The following PPARGC1A variants were observed in gnomAD, a reference collection of about 807,000 sequenced individuals.
The protein encoded by PPARGC1A is PPARG coactivator 1 alpha, also known as peroxisome proliferator-activated receptor gamma coactivator 1-alpha.
In PPARGC1A, 25 loss-of-function variants were observed where a neutral mutation model predicts 88.7. The ratio of observed to expected loss-of-function variants is 0.28; its 90% confidence interval spans 0.21 to 0.39. PPARGC1A has a LOEUF of 0.39. Among genes scored for constraint, PPARGC1A ranks in the 10% least tolerant of loss-of-function variants. The pLI is 1.00. For missense variants in PPARGC1A, 880 were observed against 968.7 expected (o/e 0.91, Z 1.22); for synonymous variants, 363 against 355.6 (o/e 1.02, Z -0.24).
At chr4:23,889,540 C>T (rs949301666) in intron 1 of PPARGC1A, among the ~76,000 whole-genome samples, 1 of 152,110 alleles carries the variant, frequency 6.6e-6, no homozygotes, top group Admixed American at 6.6e-5. Flanking sequence ...ATAGAAATGG[C>T]ATTTTTCCAA....
the PPARGC1A span, among the ~76,000 whole-genome samples, chr4:24,191,395 G>A: frequency 6.6e-6 from 1 of 152,200 alleles, no homozygotes; most frequent in African/African-American, 2.4e-5. Flanking sequence ...AAGGTTACAT[G>A]ACTAGTAAAT....
chr4:24,458,434 GA>G, the PPARGC1A span, among the ~76,000 whole-genome samples: 1 of 152,240 alleles, frequency 6.6e-6, no homozygotes, highest in African/African-American at 2.4e-5. Context: ...CCAGGAGGCA[GA>G]GGTTGCAGTG....
At chr4:23,862,965 G>T (rs771034147) in intron 2 of PPARGC1A, among the ~76,000 whole-genome samples, 2 of 152,058 alleles carry the variant, frequency 1.3e-5, no homozygotes, top group African/African-American at 4.8e-5. Context: ...TACAATCTGC[G>T]CATCACATTC....
At chr4:24,214,339 C>A in the PPARGC1A span, among the ~76,000 whole-genome samples, 1 of 152,150 alleles carries the variant, frequency 6.6e-6, no homozygotes, top group Non-Finnish European at 1.5e-5. Context: ...AGCAGTATTG[C>A]ACATTCTTTT....
intron 2 of PPARGC1A, among the ~76,000 whole-genome samples, chr4:23,866,485 T>C (rs1466408065): frequency 6.6e-6 from 1 of 152,190 alleles, no homozygotes; most frequent in Non-Finnish European, 1.5e-5. Context: ...TAAAAATCTA[T>C]ATGAAAAAAG....
At chr4:24,317,585 A>AAAC in the PPARGC1A span, among the ~76,000 whole-genome samples, 6 of 137,284 alleles carry the variant, frequency 4.4e-5, no homozygotes, top group Non-Finnish European at 7.9e-5. Flanking sequence ...AAAAAAAAAA[A>AAAC]AAAAAAAAAA....
At position 23,795,801 on chromosome 4, in the gene PPARGC1A, C is replaced by T. The variant is rs770160583; in HGVS notation, c.*21G>A. ...CATGAGGTATTCGCCATCCCTCTGTCATCCTCAGCTAGGGAACATGTTACC... is the reference window on the plus strand; with the variant it reads ...CATGAGGTATTCGCCATCCCTCTGTTATCCTCAGCTAGGGAACATGTTACC... On this transcript the variant is annotated 3_prime_UTR_variant, in exon 13 of 13. Transcript: ENST00000264867. 2 of 1,578,006 alleles carry T rather than the reference C, an allele frequency of 1.3e-6. No individual in the cohort carries two copies. Among genetic ancestry groups the T allele is most frequent in the South Asian group, 2.3e-5 (2 of 88,652 alleles).
upstream of PPARGC1A, among the ~76,000 whole-genome samples, chr4:23,892,293 C>T (rs891661408): frequency 4.6e-5 from 7 of 152,162 alleles, no homozygotes; most frequent in African/African-American, 1.4e-4. Context: ...TCTTCACTCT[C>T]ACTATCACAA....
chr4:24,433,768 A>T, the PPARGC1A span, among the ~76,000 whole-genome samples: 1 of 151,428 alleles, frequency 6.6e-6, no homozygotes, highest in East Asian at 1.9e-4. Flanking sequence ...ATAAGCTCTA[A>T]CTCCTCATCA....
At chr4:23,977,123 A>C in the PPARGC1A span, among the ~76,000 whole-genome samples, 1 of 152,176 alleles carries the variant, frequency 6.6e-6, no homozygotes, top group East Asian at 1.9e-4. Flanking sequence ...GCAGAGGAAG[A>C]GGAGAGGAAT....
chr4:24,144,143 A>G, the PPARGC1A span, among the ~76,000 whole-genome samples: 13 of 152,214 alleles, frequency 8.5e-5, no homozygotes, highest in Admixed American at 2.0e-4. Flanking sequence ...AAACAATTGC[A>G]ATATAGAGAG....
the PPARGC1A span, among the ~76,000 whole-genome samples, chr4:24,172,713 T>G: frequency 5.8e-3 from 877 of 152,338 alleles, 7 homozygotes; most frequent in Non-Finnish European, 9.7e-3. Flanking sequence ...GTCTCTTTTC[T>G]CTCAGGCAGA....
chr4:24,267,915 T>C, the PPARGC1A span, among the ~76,000 whole-genome samples: 1 of 152,186 alleles, frequency 6.6e-6, no homozygotes, highest in African/African-American at 2.4e-5. Context: ...TGTGGTGATC[T>C]AGCAATCTAC....
chr4:24,048,694 A>G, the PPARGC1A span, among the ~76,000 whole-genome samples: 4 of 152,144 alleles, frequency 2.6e-5, no homozygotes, highest in African/African-American at 9.7e-5. Context: ...ACCTGAGCCT[A>G]TGGACTTTAC....
the PPARGC1A span, among the ~76,000 whole-genome samples, chr4:24,337,481 G>T: frequency 6.6e-6 from 1 of 152,120 alleles, no homozygotes; most frequent in East Asian, 1.9e-4. Flanking sequence ...ATGAAAATAA[G>T]TCTGGTGGGG....
intron 2 of PPARGC1A, among the ~76,000 whole-genome samples, chr4:23,844,742 C>CATTATATGATATATATTATA (rs869271264): frequency 4.2e-5 from 1 of 23,826 alleles, no homozygotes; most frequent in Non-Finnish European, 8.2e-5. Flanking sequence ...TATGATATAT[C>CATTATATGATATATATTATA]ATAATATATG....
the PPARGC1A span, among the ~76,000 whole-genome samples, chr4:24,110,585 C>G: frequency 6.6e-6 from 1 of 152,124 alleles, no homozygotes; most frequent in Non-Finnish European, 1.5e-5. Flanking sequence ...CAGCAAGAAA[C>G]ACAAGTAAAA....
the PPARGC1A span, among the ~76,000 whole-genome samples, chr4:24,158,217 T>A: frequency 6.6e-6 from 1 of 152,116 alleles, no homozygotes; most frequent in South Asian, 2.1e-4. Flanking sequence ...CCAATAGACA[T>A]CTCCCCAGGG....
At chr4:24,097,991 G>C in the PPARGC1A span, among the ~76,000 whole-genome samples, 2 of 152,170 alleles carry the variant, frequency 1.3e-5, no homozygotes, top group Non-Finnish European at 2.9e-5. Flanking sequence ...AATTATGCCT[G>C]TTAATATAAT....
Sources: allele counts gnomAD v4.1 joint callset (sites outside exome capture counted in the v4.1 genomes callset), GRCh38; gene constraint gnomAD v4.1.1; transcripts MANE v1.5; gene names NCBI Gene and HGNC (gene_info 2026-07-23, HGNC 2026-07-21).